FBXO11: variants seen among roughly 807,000 people sequenced by gnomAD.
FBXO11 encodes the protein F-box protein 11, also known as F-box only protein 11.
Under a neutral mutation model 117.0 loss-of-function variants are expected in FBXO11, and 13 were observed. The observed-to-expected ratio is 0.11, with a 90% CI of 0.07 to 0.18. The LOEUF is 0.18. Among genes scored for constraint, FBXO11 ranks in the 10% least tolerant of loss-of-function variants. The pLI is 1.00. For synonymous variants in FBXO11, 490 were observed against 380.5 expected, an observed-to-expected ratio of 1.29 and a Z score of -3.35; for missense variants, 767 against 1,164.4, an observed-to-expected ratio of 0.66 and a Z score of 4.97.
At position 47,901,159 on chromosome 2, in the gene FBXO11, A is replaced by G. The variant is rs527555259; in HGVS notation, c.232+4330T>C. Among the ~76,000 whole-genome samples, 87 of 122,008 alleles carry G rather than the reference A, an allele frequency of 7.1e-4. 1 individual carries two copies. The highest frequency in any genetic ancestry group is 1.1e-3 in the Non-Finnish European group (57 of 51,788). The allele number at this position is 122,008 out of a possible 152,430, so 80.0% of individuals were successfully genotyped here. A position where few individuals can be genotyped will look rare whatever the true frequency, so the allele number is the denominator to read the frequency against. ...TATATATACACACGTGTGTACATATATACATATATATGTATATATATGTGG... is the reference window on the plus strand; with the variant it reads ...TATATATACACACGTGTGTACATATGTACATATATATGTATATATATGTGG... On this transcript the variant is annotated intron_variant, in intron 1 of 22. Coordinates refer to ENST00000403359, the MANE Select transcript of FBXO11 (RefSeq NM_001190274.2).
At chr2:47,876,274 G>C (rs189491578) in intron 1 of FBXO11, among the ~76,000 whole-genome samples, 2 of 152,256 alleles carry the variant, frequency 1.3e-5, no homozygotes, top group Admixed American at 6.5e-5. Context: ...TTATTGTCTA[G>C]AGTTTTGATT....
chr2:47,869,794 C>T (rs980883109), intron 1 of FBXO11, among the ~76,000 whole-genome samples: 1 of 152,198 alleles, frequency 6.6e-6, no homozygotes, highest in African/African-American at 2.4e-5. Flanking sequence ...CACTTTTGGT[C>T]ATAAACAGGA....
Position 47,808,058 on chromosome 2 carries a change from C to A in FBXO11, c.*60G>T. 6.9e-7 allele frequency: 1 copy of A among 1,448,570 alleles called. No homozygotes were observed. The highest frequency in any genetic ancestry group is 9.4e-7 in the Non-Finnish European group (1 of 1,058,850). 89.7% of individuals were successfully genotyped at this position (1,448,570 alleles called of 1,614,324 possible). On this transcript the variant is annotated 3_prime_UTR_variant, in exon 23 of 23. Coordinates refer to ENST00000403359, the MANE Select transcript of FBXO11 (RefSeq NM_001190274.2). The stretch of plus-strand genomic sequence containing the variant: ...TGGGCAAATATTTTAAATCTTCTTC[C>A]AAAAAAGTGTTTTAAGTTATGATGT...
In FBXO11 at chr2:47,810,301, A is replaced by G. The variant is rs1558401707; in HGVS notation, c.2338+15T>C. ...AACTATATATAAGCCACAGGTAAGA[A>G]AAGAAAATACAAACCTGCGGCAAAT... On this transcript the variant is annotated intron_variant, in intron 19 of 22. Coordinates refer to ENST00000403359, the MANE Select transcript of FBXO11 (RefSeq NM_001190274.2). The G allele has an allele frequency of 7.1e-6, 11 of 1,546,104 alleles. No individual in the cohort carries two copies. The highest frequency in any genetic ancestry group is 1.8e-5 in the Admixed American group (1 of 54,484).
At chr2:47,819,199 A>G in intron 14 of FBXO11, 121 bp from the exon 15 acceptor site, 1 of 835,440 alleles carries the variant, frequency 1.2e-6, no homozygotes, top group Non-Finnish European at 1.8e-6. Flanking sequence ...CCGAGTAAGG[A>G]GGTAATGGCA....
intron 14 of FBXO11, among the ~76,000 whole-genome samples, chr2:47,819,643 A>T (rs1173804241): frequency 2.0e-5 from 3 of 152,240 alleles, no homozygotes; most frequent in Non-Finnish European, 4.4e-5. Context: ...TTAGCAAAAG[A>T]AATTAATTCA....
At chr2:47,851,444 G>T (rs1326219176) in intron 1 of FBXO11, among the ~76,000 whole-genome samples, 1 of 152,058 alleles carries the variant, frequency 6.6e-6, no homozygotes, top group African/African-American at 2.4e-5. Context: ...GGCCAGGCTG[G>T]TCTCGAATTC....
Position 47,871,337 on chromosome 2 carries a change from G to A in FBXO11, c.233-31568C>T, listed in dbSNP as rs1008142538. 4.6e-5 allele frequency among the ~76,000 whole-genome samples: 7 copies of A among 152,256 alleles called. No homozygotes were observed. In the South Asian group the frequency reaches 8.3e-4, roughly 18 times the overall value. On this transcript the variant is annotated intron_variant, in intron 1 of 22. Transcript: ENST00000403359. ...ACTGAAGCCTCTTGCCAACAGCTACGTGAATGAGACATCCTGAAAGCACAT... is the reference window on the plus strand; with the variant it reads ...ACTGAAGCCTCTTGCCAACAGCTACATGAATGAGACATCCTGAAAGCACAT...
In FBXO11 at chr2:47,807,843, G is replaced by T. The variant is rs920816783; in HGVS notation, c.*275C>A. The T allele has an allele frequency of 1.6e-5, 5 of 310,848 alleles. No homozygotes were observed. In the East Asian group the frequency reaches 2.4e-4, roughly 15 times the overall value. 19.3% of individuals were successfully genotyped at this position (310,848 alleles called of 1,614,324 possible). A position where few individuals can be genotyped will look rare whatever the true frequency, so the allele number is the denominator to read the frequency against. ...TTGTAAAAACACCAGCTTTTCAGAAGTTGGTATCTGTACAAAATTGCAGCT... is the reference window on the plus strand; with the variant it reads ...TTGTAAAAACACCAGCTTTTCAGAATTTGGTATCTGTACAAAATTGCAGCT... On this transcript the variant is annotated 3_prime_UTR_variant, in exon 23 of 23. Transcript: ENST00000403359.
At chr2:47,856,883 T>C (rs565209670) in intron 1 of FBXO11, among the ~76,000 whole-genome samples, 20 of 152,314 alleles carry the variant, frequency 1.3e-4, no homozygotes, top group African/African-American at 4.3e-4. Context: ...TCTACAGATA[T>C]TATCCAAGTT....
At chr2:47,819,612 A>G (rs1281601319) in intron 14 of FBXO11, among the ~76,000 whole-genome samples, 2 of 152,242 alleles carry the variant, frequency 1.3e-5, no homozygotes, top group African/African-American at 2.4e-5. Flanking sequence ...CAGTAATAGT[A>G]GTAGTAGCAT....
intron 1 of FBXO11, among the ~76,000 whole-genome samples, chr2:47,856,095 A>C (rs1392456602): frequency 3.3e-5 from 5 of 152,214 alleles, no homozygotes; most frequent in Non-Finnish European, 7.3e-5. Context: ...TAGGCAACCA[A>C]GTGGAATACC....
At position 47,902,927 on chromosome 2, in the gene FBXO11, A is replaced by C. The variant is rs532342586; in HGVS notation, c.232+2562T>G. On this transcript the variant is annotated intron_variant, in intron 1 of 22. Transcript: ENST00000403359. ...AAGAGTTAGTAAAAGGTTAAAAAAAAAAAAACAAAAACCACACATACATTC... is the reference window on the plus strand; with the variant it reads ...AAGAGTTAGTAAAAGGTTAAAAAAACAAAAACAAAAACCACACATACATTC... 1.5e-4 allele frequency among the ~76,000 whole-genome samples: 23 copies of C among 152,048 alleles called. No individual in the cohort carries two copies. The South Asian group carries it at 3.3e-3, about 22-fold the overall frequency.
chr2:47,807,720 AT>A lies in FBXO11; in HGVS notation c.*397del, dbSNP rs1670322719. On this transcript the variant is annotated 3_prime_UTR_variant, in exon 23 of 23. Coordinates refer to ENST00000403359, the MANE Select transcript of FBXO11 (RefSeq NM_001190274.2). ...AAGTGCTAGCTCACATTTTTACCATATTACAAAAGCAATTGGTACCCATGTC... is the reference window on the plus strand; with the variant it reads ...AAGTGCTAGCTCACATTTTTACCATATACAAAAGCAATTGGTACCCATGTC... 4.2e-6 allele frequency: 1 copy of A among 236,510 alleles called. No homozygotes were observed. Among genetic ancestry groups the A allele is most frequent in the African/African-American group, 2.2e-5 (1 of 45,178 alleles). 14.7% of individuals were successfully genotyped at this position (236,510 alleles called of 1,614,324 possible). A position where few individuals can be genotyped will look rare whatever the true frequency, so the allele number is the denominator to read the frequency against.
At chr2:47,812,680 A>G (rs1421101495) in intron 18 of FBXO11, among the ~76,000 whole-genome samples, 4 of 152,226 alleles carry the variant, frequency 2.6e-5, no homozygotes, top group Non-Finnish European at 4.4e-5. Context: ...AGGAACAGCG[A>G]TAGATTTGCA....
At chr2:47,904,676 A>G (rs1678609238) in intron 1 of FBXO11, among the ~76,000 whole-genome samples, 1 of 151,990 alleles carries the variant, frequency 6.6e-6, no homozygotes, top group African/African-American at 2.4e-5. Flanking sequence ...CCACTAGGAG[A>G]CGGAGAGTAG....
chr2:47,808,346 C>G lies in FBXO11; in HGVS notation c.2637G>C (p.Glu879Asp). The stretch of plus-strand genomic sequence containing the variant: ...CTACATACCTATCATGTCTAATAAA[C>G]TCTACATCATGTCCCTGATGGCACT... The part of the protein sequence containing the change: ...IKKCHQGHDV[E>D]FIRHDRFFCD... The change falls in exon 22 of 23, where the codon GAG (glutamate) becomes GAC (aspartate). Residue 879 changes from glutamate to aspartate, a missense_variant. Around this residue, in one of 10 missense-constraint regions of FBXO11, gnomAD observed 47 missense variants for 117.3 expected, o/e 0.40. Coordinates refer to ENST00000403359, the MANE Select transcript of FBXO11 (RefSeq NM_001190274.2). 6.2e-7 allele frequency: 1 copy of G among 1,612,168 alleles called. No individual in the cohort carries two copies. The highest frequency in any genetic ancestry group is 1.1e-5 in the South Asian group (1 of 90,826).
rs776613767 is a variant in FBXO11 at position 47,813,241 on chromosome 2, C to T, written c.2220G>A (p.Gly740=). 75 of 1,613,262 alleles carry T rather than the reference C, an allele frequency of 4.6e-5. No homozygotes were observed. Among genetic ancestry groups the T allele is most frequent in the Non-Finnish European group, 6.3e-5 (74 of 1,179,634 alleles). Residue 740 remains glycine, a synonymous_variant, in exon 18 of 23, where the codon GGG becomes GGA. Transcript: ENST00000403359. The part of the protein sequence containing the change: ...GRDGGICIFN[G]GRGLLEENDI... ...CAAAATTAACAACAATACCTCGACC[C>T]CCATTAAATATACAGATGCCACCAT...
At chr2:47,900,590 GTA>G (rs1678048148) in intron 1 of FBXO11, among the ~76,000 whole-genome samples, 1 of 108,126 alleles carries the variant, frequency 9.2e-6, no homozygotes, top group Admixed American at 8.3e-5. Flanking sequence ...ACATATATAC[GTA>G]TATACACACG....
Sources: gnomAD v4.1 joint callset for allele counts (sites outside exome capture counted in the v4.1 genomes callset) on GRCh38, gnomAD v4.1.1 for gene constraint, gnomAD v4.1.1 regional missense constraint, MANE v1.5 for transcripts, NCBI Gene and HGNC (gene_info 2026-07-23, HGNC 2026-07-21) for gene names.